The following HTD2 variants were observed in gnomAD, a reference collection of about 807,000 sequenced individuals.
HTD2 encodes hydroxyacyl-thioester dehydratase type 2, mitochondrial.
HTD2 carries 1 observed loss-of-function variant against 3.1 expected under a neutral mutation model. That is an observed-to-expected ratio of 0.32 (90% confidence interval 0.11 to 1.52). The LOEUF (loss-of-function observed/expected upper bound fraction) is 1.52. Ranked by LOEUF, HTD2 falls within the 40% of genes most tolerant of loss-of-function variation. The pLI, the probability that HTD2 is intolerant of heterozygous loss-of-function variation, is 0.39. For missense variants in HTD2, 150 were observed against 79.6 expected, an observed-to-expected ratio of 1.88 and a Z score of -3.36; for synonymous variants, 50 against 28.9, an observed-to-expected ratio of 1.73 and a Z score of -2.34.
At chr3:58,314,632 G>C (rs915521980) in intron 2 of HTD2, among the ~76,000 whole-genome samples, 1 of 147,252 alleles carries the variant, frequency 6.8e-6, no homozygotes, top group East Asian at 2.1e-4. Flanking sequence ...ACTACAGTGA[G>C]TATGTAAAAT....
At position 58,318,179 on chromosome 3, in the gene HTD2, G is replaced by C. The variant is rs2107511418; in HGVS notation, c.*59G>C. On this transcript the variant is annotated 3_prime_UTR_variant, in exon 5 of 5. Coordinates refer to ENST00000461393, the MANE Select transcript of HTD2 (RefSeq NM_001348712.2). Reference sequence around the variant, plus strand: ...AATGCTGTTGTTAAAGAGCCTATGGGGAATTGCTGCTCTTTACCAAAGAAT... The same window carrying C: ...AATGCTGTTGTTAAAGAGCCTATGGCGAATTGCTGCTCTTTACCAAAGAAT... The C allele has an allele frequency of 1.7e-6, 1 of 604,940 alleles. No individual in the cohort carries two copies. The highest frequency in any genetic ancestry group is 2.7e-5 in the East Asian group (1 of 36,506). 37.5% of individuals were successfully genotyped at this position (604,940 alleles called of 1,614,324 possible).
intron 1 of HTD2, chr3:58,310,117 C>T: frequency 1.8e-6 from 1 of 554,618 alleles, no homozygotes; most frequent in Non-Finnish European, 3.2e-6. Flanking sequence ...GGAGGATCAC[C>T]TGAGCCTCGA....
intron 1 of HTD2, among the ~76,000 whole-genome samples, chr3:58,309,718 T>C (rs571686928): frequency 1.1e-3 from 166 of 152,202 alleles, no homozygotes; most frequent in African/African-American, 3.6e-3. Flanking sequence ...GGTGAAACCC[T>C]GTCTCTACTA....
intron 2 of HTD2, among the ~76,000 whole-genome samples, chr3:58,311,701 A>G (rs1342913943): frequency 6.7e-6 from 1 of 148,468 alleles, no homozygotes; most frequent in African/African-American, 2.5e-5. Context: ...ATGAGAGTGC[A>G]TATGTCCTTT....
At chr3:58,310,922 C>G (rs2097481500) in intron 2 of HTD2, among the ~76,000 whole-genome samples, 1 of 109,206 alleles carries the variant, frequency 9.2e-6, no homozygotes, top group Admixed American at 9.4e-5. Context: ...GAGCGAGACT[C>G]TGTCACAAAA....
chr3:58,313,144 A>G (rs1191857361), intron 2 of HTD2, among the ~76,000 whole-genome samples: 4 of 151,766 alleles, frequency 2.6e-5, no homozygotes, highest in African/African-American at 9.7e-5. Context: ...CTGTAGTCCC[A>G]GCTACTCGGG....
At chr3:58,310,230 C>G in intron 1 of HTD2, 1 of 1,182,120 alleles carries the variant, frequency 8.5e-7, no homozygotes, top group Non-Finnish European at 1.2e-6. Flanking sequence ...AAAAAAAACC[C>G]AAATAGGCCA....
chr3:58,317,249 CT>C (rs1263944275), intron 4 of HTD2, among the ~76,000 whole-genome samples, 190 bp from the exon 5 acceptor site: 2 of 152,116 alleles, frequency 1.3e-5, no homozygotes, highest in Non-Finnish European at 2.9e-5. Context: ...CACTTAATGC[CT>C]TGTGTGTTAT....
intron 1 of HTD2, among the ~76,000 whole-genome samples, chr3:58,309,132 G>A (rs1054047875): frequency 2.0e-5 from 3 of 152,188 alleles, no homozygotes; most frequent in African/African-American, 7.2e-5. Flanking sequence ...GGGAGGAGAC[G>A]GCAGAACGAC....
At chr3:58,316,471 A>G in intron 2 of HTD2, 44 bp from the exon 3 acceptor site, 5 of 1,538,206 alleles carry the variant, frequency 3.3e-6, no homozygotes, top group Non-Finnish European at 4.5e-6. Context: ...GCATTCAAGA[A>G]TAATGGTGAG....
chr3:58,318,149 A>G lies in HTD2; in HGVS notation c.*29A>G, dbSNP rs1451947755. Reference sequence around the variant, plus strand: ...AGATGTTTTAAAGATGCAACCTCAAACACCAATGCTGTTGTTAAAGAGCCT... The same window carrying G: ...AGATGTTTTAAAGATGCAACCTCAAGCACCAATGCTGTTGTTAAAGAGCCT... On this transcript the variant is annotated 3_prime_UTR_variant, in exon 5 of 5. Transcript: ENST00000461393. The G allele has an allele frequency of 8.1e-6, 5 of 618,550 alleles. No homozygotes were observed. Among genetic ancestry groups the G allele is most frequent in the Non-Finnish European group, 1.4e-5 (5 of 349,204 alleles). 38.3% of individuals were successfully genotyped at this position (618,550 alleles called of 1,614,324 possible). A position where few individuals can be genotyped will look rare whatever the true frequency, so the allele number is the denominator to read the frequency against.
At chr3:58,309,036 C>T (rs748330373) in intron 1 of HTD2, among the ~76,000 whole-genome samples, 3 of 152,198 alleles carry the variant, frequency 2.0e-5, no homozygotes, top group Non-Finnish European at 2.9e-5. Flanking sequence ...TCCCTCTTCT[C>T]AACCCCTGTG....
Position 58,306,629 on chromosome 3 carries a change from G to T in HTD2, c.-438G>T, listed in dbSNP as rs1029313008. The T allele has an allele frequency of 1.3e-5, 2 of 152,350 alleles. No individual in the cohort carries two copies. The highest frequency in any genetic ancestry group is 4.1e-4 in the South Asian group (2 of 4,830). 9.4% of individuals were successfully genotyped at this position (152,350 alleles called of 1,614,324 possible). A position where few individuals can be genotyped will look rare whatever the true frequency, so the allele number is the denominator to read the frequency against. On this transcript the variant is annotated 5_prime_UTR_variant, in exon 1 of 5. Coordinates refer to ENST00000461393, the MANE Select transcript of HTD2 (RefSeq NM_001348712.2). ...GAGACTTCGGGACCGTGTCCTGAGC[G>T]CTCTCCATGCGCCCGGCGCGAGGTG...
Position 58,316,666 on chromosome 3 carries a change from A to T in HTD2, c.-254+75A>T. The T allele has an allele frequency of 6.1e-6, 8 of 1,321,420 alleles. No homozygotes were observed. The South Asian group carries it at 9.6e-5, about 16-fold the overall frequency. 81.9% of individuals were successfully genotyped at this position (1,321,420 alleles called of 1,614,324 possible). ...TGGAGCAAAAATGCTCTCTTCTGAG[A>T]ATGAGAATAAATTTTTTGTTGTGAA... is the stretch of plus-strand genomic sequence containing the variant. On this transcript the variant is annotated intron_variant, in intron 3 of 4. Transcript: ENST00000461393.
Position 58,311,081 on chromosome 3 carries a change from C to A in HTD2, c.-331+490C>A, listed in dbSNP as rs567981965. Among the ~76,000 whole-genome samples the A allele has an allele frequency of 1.1e-4, 16 of 152,116 alleles. 1 individual carries two copies. The highest frequency in any genetic ancestry group is 3.9e-4 in the African/African-American group (16 of 41,488). On this transcript the variant is annotated intron_variant, in intron 2 of 4. Coordinates refer to ENST00000461393, the MANE Select transcript of HTD2 (RefSeq NM_001348712.2). ...TCCTTCATCCTCTCTACCCTCCTAC[C>A]CTTCCCAGCCTCTGATAATCACCAA... is the stretch of plus-strand genomic sequence containing the variant.
intron 1 of HTD2, 100 bp from the exon 2 acceptor site, chr3:58,310,407 G>A (rs755100252): frequency 1.9e-6 from 3 of 1,613,530 alleles, no homozygotes; most frequent in East Asian, 2.2e-5. Context: ...AAGTCTGCCT[G>A]TAAGTTTAGT....
Position 58,318,143 on chromosome 3 carries a change from C to A in HTD2, c.*23C>A, listed in dbSNP as rs1187205857. On this transcript the variant is annotated 3_prime_UTR_variant, in exon 5 of 5. Transcript: ENST00000461393. ...TGAAATAGATGTTTTAAAGATGCAACCTCAAACACCAATGCTGTTGTTAAA... is the reference window on the plus strand; with the variant it reads ...TGAAATAGATGTTTTAAAGATGCAAACTCAAACACCAATGCTGTTGTTAAA... 3 of 621,384 alleles carry A rather than the reference C, an allele frequency of 4.8e-6. No individual in the cohort carries two copies. The Admixed American group carries it at 8.6e-5, about 18-fold the overall frequency. 38.5% of individuals were successfully genotyped at this position (621,384 alleles called of 1,614,324 possible).
chr3:58,310,712 A>ACC, intron 2 of HTD2, 121 bp downstream of exon 2: 1 of 743,974 alleles, frequency 1.3e-6, no homozygotes, highest in Non-Finnish European at 2.2e-6. Flanking sequence ...TGGGCAGATC[A>ACC]TGAGGTCAAG....
chr3:58,309,042 C>T (rs2097478996), intron 1 of HTD2, among the ~76,000 whole-genome samples: 1 of 152,196 alleles, frequency 6.6e-6, no homozygotes, highest in Non-Finnish European at 1.5e-5. Context: ...TTCTCAACCC[C>T]TGTGCTGTTT....
Sources: allele counts gnomAD v4.1 joint callset (sites outside exome capture counted in the v4.1 genomes callset), GRCh38; gene constraint gnomAD v4.1.1; transcripts MANE v1.5; gene names NCBI Gene and HGNC (gene_info 2026-07-23, HGNC 2026-07-21).